OPRM1: variants seen among roughly 807,000 people sequenced by gnomAD.
OPRM1 encodes mu-type opioid receptor.
A neutral mutation model predicts 31.8 loss-of-function variants in OPRM1; 27 were observed. The ratio of observed to expected loss-of-function variants is 0.85; its 90% CI spans 0.63 to 1.17. The LOEUF (loss-of-function observed/expected upper bound fraction) is 1.17, where lower values mean the gene tolerates loss of function less well. OPRM1 is among the 50% of genes most tolerant of loss of function. OPRM1 has a pLI of 0.00. For synonymous variants in OPRM1, 196 were observed against 189.9 expected (o/e 1.03, Z -0.26); for missense variants, 536 against 511.1 (o/e 1.05, Z -0.47).
chr6:154,219,066 A>AG (rs1239564165), intron 3 of OPRM1: 1 of 152,204 alleles, frequency 6.6e-6, no homozygotes, highest in Non-Finnish European at 1.5e-5. Flanking sequence ...GTTTCTGCAA[A>AG]GGGAGAACAT....
intron 3 of OPRM1, among the ~76,000 whole-genome samples, chr6:154,181,553 T>C (rs540908173): frequency 7.5e-4 from 115 of 152,366 alleles, no homozygotes; most frequent in Admixed American, 2.0e-3. Context: ...GTGAAGACTA[T>C]ATATTTCAAA....
chr6:154,238,958 C>T lies in OPRM1; in HGVS notation c.1165-7735C>T, dbSNP rs562356241. ...AAAAAAAAAGAAGTTGTGGAAACAC[C>T]GACAAAAGTACTATGCACTGTCCAC... is the stretch of plus-strand genomic sequence containing the variant. On this transcript the variant is annotated intron_variant, in intron 3 of 3. Transcript: ENST00000337049. Among the ~76,000 whole-genome samples, 19 of 151,742 alleles carry T rather than the reference C, an allele frequency of 1.3e-4. No individual in the cohort carries two copies. The South Asian group carries it at 4.0e-3, about 32-fold the overall frequency.
At chr6:154,117,973 ATC>A (rs1007559016) in intron 3 of OPRM1, among the ~76,000 whole-genome samples, 2 of 152,052 alleles carry the variant, frequency 1.3e-5, no homozygotes, top group African/African-American at 4.8e-5. Context: ...TAAAAAAATG[ATC>A]TTTTACCCTT....
chr6:154,050,070 A>G (rs1781891310), intron 1 of OPRM1, among the ~76,000 whole-genome samples: 1 of 152,186 alleles, frequency 6.6e-6, no homozygotes, highest in Admixed American at 6.5e-5. Flanking sequence ...TAGTTTGAGT[A>G]GGAATAGTAT....
chr6:154,108,952 C>T lies in OPRM1; in HGVS notation c.1165-9731C>T, dbSNP rs146880026. On this transcript the variant is annotated intron_variant, in intron 3 of 3. Coordinates refer to ENST00000330432, the MANE Select transcript of OPRM1 (RefSeq NM_000914.5). ...GAAACATAGAATGTGAGAGGTAGCA[C>T]ATAAGAAATAAGTCATGGGGATTTT... The T allele has an allele frequency of 7.3e-5, 72 of 984,892 alleles. No homozygotes were observed. In the African/African-American group the frequency reaches 1.1e-3, roughly 15 times the overall value. 61.0% of individuals were successfully genotyped at this position (984,892 alleles called of 1,614,324 possible).
chr6:154,106,458 C>T (rs1795589627), intron 3 of OPRM1, among the ~76,000 whole-genome samples: 2 of 152,144 alleles, frequency 1.3e-5, no homozygotes. Context: ...CCTTACCTAG[C>T]AGTAAAGCAG....
intron 1 of OPRM1, among the ~76,000 whole-genome samples, chr6:154,033,702 A>G (rs531755834): frequency 2.8e-4 from 43 of 152,334 alleles, no homozygotes; most frequent in East Asian, 2.5e-3. Flanking sequence ...CAAATGTTCA[A>G]TGGAGTAAAA....
intron 3 of OPRM1, among the ~76,000 whole-genome samples, chr6:154,195,170 CAGAA>C (rs1010996651): frequency 2.5e-5 from 3 of 121,492 alleles, no homozygotes; most frequent in African/African-American, 1.0e-4. Flanking sequence ...TTTTTTGAGA[CAGAA>C]TCTCGCTCTG....
intron 3 of OPRM1, among the ~76,000 whole-genome samples, chr6:154,164,453 C>T (rs1799263975): frequency 6.6e-6 from 1 of 152,192 alleles, no homozygotes; most frequent in African/African-American, 2.4e-5. Context: ...CTCCTTCCTA[C>T]ACCAGGCATC....
rs558353264 is a variant in OPRM1, at chr6:154,161,313, C to T, written c.1164+69841C>T. On this transcript the variant is annotated intron_variant, in intron 3 of 3. Coordinates refer to the OPRM1 transcript ENST00000337049. ...GCAAGCTCTGCCTCCCAGGTTCAAG[C>T]GATTCTCCTGCATCAACCTCCCAAG... Among the ~76,000 whole-genome samples the T allele has an allele frequency of 3.5e-3, 524 of 151,550 alleles. 3 individuals are homozygous for T. Among genetic ancestry groups the T allele is most frequent in the African/African-American group, 0.012 (488 of 41,284 alleles).
At chr6:154,236,408 CTTA>C (rs1780137273) in intron 3 of OPRM1, among the ~76,000 whole-genome samples, 1 of 152,114 alleles carries the variant, frequency 6.6e-6, no homozygotes, top group African/African-American at 2.4e-5. Context: ...GGAATGGAGA[CTTA>C]TTATTTAATA....
chr6:154,019,079 C>T (rs1247693334), intron 1 of OPRM1, among the ~76,000 whole-genome samples: 1 of 151,702 alleles, frequency 6.6e-6, no homozygotes, highest in East Asian at 1.9e-4. Flanking sequence ...AGCACCCAAC[C>T]TCTCGCGCAT....
Position 154,130,992 on chromosome 6 carries a change from A to T in OPRM1, c.*12271A>T, listed in dbSNP as rs1797865353. ...AACCTTGTAAGTGCAGATTTATTTTAAAAAATTGAAAAACTACTCTGTCAA... is the reference window on the plus strand; with the variant it reads ...AACCTTGTAAGTGCAGATTTATTTTTAAAAATTGAAAAACTACTCTGTCAA... On this transcript the variant is annotated 3_prime_UTR_variant, in exon 4 of 4. Coordinates refer to ENST00000330432, the MANE Select transcript of OPRM1 (RefSeq NM_000914.5). Among the ~76,000 whole-genome samples, 1 of 152,172 alleles carries T rather than the reference A, an allele frequency of 6.6e-6. No homozygotes were observed.
At chr6:154,228,249 TGAGCTCAG>T (rs1779425471) in intron 3 of OPRM1, among the ~76,000 whole-genome samples, 1 of 151,980 alleles carries the variant, frequency 6.6e-6, no homozygotes. Context: ...AAAGATCACT[TGAGCTCAG>T]GAGTTCAAGA....
chr6:154,119,737 A>G lies in OPRM1; in HGVS notation c.*1016A>G, dbSNP rs564106170. ...TTTTTAAACAATAAATCCAATAAACATAATCTCAAGACAGACTCATATGAC... is the reference window on the plus strand; with the variant it reads ...TTTTTAAACAATAAATCCAATAAACGTAATCTCAAGACAGACTCATATGAC... On this transcript the variant is annotated 3_prime_UTR_variant, in exon 4 of 4. Transcript: ENST00000330432. 3.3e-5 allele frequency among the ~76,000 whole-genome samples: 5 copies of G among 152,360 alleles called. No homozygotes were observed. Among genetic ancestry groups the G allele is most frequent in the Admixed American group, 1.3e-4 (2 of 15,302 alleles).
intron 3 of OPRM1, among the ~76,000 whole-genome samples, chr6:154,242,803 G>A (rs538303014): frequency 2.8e-4 from 42 of 152,152 alleles, no homozygotes; most frequent in Admixed American, 9.8e-4. Flanking sequence ...CATGAGAATC[G>A]CTTGATCCTG....
chr6:154,147,349 G>A (rs908381937), intron 3 of OPRM1, among the ~76,000 whole-genome samples: 1 of 152,216 alleles, frequency 6.6e-6, no homozygotes, highest in Admixed American at 6.5e-5. Flanking sequence ...AGGCAAGTTA[G>A]GGTGATGAAC....
intron 3 of OPRM1, among the ~76,000 whole-genome samples, chr6:154,183,798 G>A (rs1304391663): frequency 6.6e-6 from 1 of 152,198 alleles, no homozygotes; most frequent in East Asian, 1.9e-4. Context: ...GCTGAGGTGG[G>A]AGAATCACTT....
chr6:154,070,676 C>T (rs1358598465), intron 1 of OPRM1, among the ~76,000 whole-genome samples: 9 of 152,202 alleles, frequency 5.9e-5, no homozygotes, highest in Non-Finnish European at 1.2e-4. Flanking sequence ...ACTTGACTAA[C>T]ATCACAGACA....
Sources: gnomAD v4.1 joint callset for allele counts (sites outside exome capture counted in the v4.1 genomes callset) on GRCh38, gnomAD v4.1.1 for gene constraint, MANE v1.5 for transcripts, NCBI Gene and HGNC (gene_info 2026-07-23, HGNC 2026-07-21) for gene names.